The following PITPNB variants were observed in gnomAD, a reference collection of about 807,000 sequenced individuals.
The protein encoded by PITPNB is phosphatidylinositol transfer protein beta.
In PITPNB, 16 loss-of-function variants were observed where a neutral mutation model predicts 45.9. The observed-to-expected ratio is 0.35, with a 90% confidence interval of 0.24 to 0.53. The LOEUF (loss-of-function observed/expected upper bound fraction) is 0.53. Ranked by LOEUF, PITPNB falls within the 20% of genes least tolerant of loss-of-function variation. The pLI is 0.93. For synonymous variants in PITPNB, 112 were observed against 108.9 expected (o/e 1.03, Z -0.18); for missense variants, 188 against 330.5 (o/e 0.57, Z 3.34).
Position 27,858,519 on chromosome 22 carries a change from C to G in PITPNB, c.646-10G>C. The G allele has an allele frequency of 4.4e-6, 7 of 1,602,276 alleles. No individual in the cohort carries two copies. The highest frequency in any genetic ancestry group is 1.1e-5 in the South Asian group (1 of 88,570). The stretch of plus-strand genomic sequence containing the variant: ...ATATCCGTTTTTCTTGCTTTTAAAA[C>G]AACAACAAAAAAGTAGCATAAGATG... On this transcript the variant is annotated splice_polypyrimidine_tract_variant and intron_variant, in intron 9 of 11. Transcript: ENST00000335272.
intron 7 of PITPNB, among the ~76,000 whole-genome samples, chr22:27,891,993 C>T (rs1935293672): frequency 6.6e-6 from 1 of 152,196 alleles, no homozygotes; most frequent in African/African-American, 2.4e-5. Context: ...CTGAAGCCCA[C>T]CTAGTTTTAG....
rs1934080926 is a variant in PITPNB at position 27,853,344 on chromosome 22, A to ATT, written c.*356_*357dup. Reference sequence around the variant, plus strand: ...ATTAAAATCTGTTCCAGGTATATATATTGAAAATATTTTCTTTTGCATTCT... The same window carrying ATT: ...ATTAAAATCTGTTCCAGGTATATATATTTTGAAAATATTTTCTTTTGCATTCT... On this transcript the variant is annotated 3_prime_UTR_variant, in exon 12 of 12. Coordinates refer to ENST00000335272, the MANE Select transcript of PITPNB (RefSeq NM_012399.5). The ATT allele has an allele frequency of 2.5e-6, 1 of 400,384 alleles. No individual in the cohort carries two copies. The highest frequency in any genetic ancestry group is 4.4e-6 in the Non-Finnish European group (1 of 225,522). 24.8% of individuals were successfully genotyped at this position (400,384 alleles called of 1,614,324 possible).
intron 1 of PITPNB, 91 bp from the exon 2 acceptor site, chr22:27,914,438 A>T: frequency 1.3e-6 from 1 of 746,248 alleles, no homozygotes; most frequent in Non-Finnish European, 2.2e-6. Context: ...ATCCAATGAT[A>T]ACAGAGACAG....
intron 3 of PITPNB, among the ~76,000 whole-genome samples, chr22:27,901,361 T>C (rs899150705): frequency 5.3e-5 from 8 of 152,196 alleles, no homozygotes; most frequent in Non-Finnish European, 1.0e-4. Flanking sequence ...AATTATTATG[T>C]CTATCTGTAA....
chr22:27,854,044 C>A (rs2146341675), intron 11 of PITPNB, among the ~76,000 whole-genome samples: 1 of 151,962 alleles, frequency 6.6e-6, no homozygotes, highest in South Asian at 2.1e-4. Flanking sequence ...CTGAACATTT[C>A]ATTCATCCCA....
At chr22:27,900,079 T>C (rs1935549203) in intron 3 of PITPNB, among the ~76,000 whole-genome samples, 1 of 152,026 alleles carries the variant, frequency 6.6e-6, no homozygotes, top group Non-Finnish European at 1.5e-5. Flanking sequence ...GGTGGGTGCC[T>C]GCAATCCCAG....
At chr22:27,896,442 G>A in intron 6 of PITPNB, 110 bp downstream of exon 6, 1 of 764,780 alleles carries the variant, frequency 1.3e-6, no homozygotes, top group Non-Finnish European at 2.3e-6. Context: ...GACACAGCTT[G>A]GTGCGGTCAG....
chr22:27,916,177 C>A (rs537187421), intron 1 of PITPNB, among the ~76,000 whole-genome samples: 1 of 152,316 alleles, frequency 6.6e-6, no homozygotes, highest in Admixed American at 6.5e-5. Context: ...AGAACACTTT[C>A]AAGGAAATTC....
rs1935080643 is a variant in PITPNB, at chr22:27,885,123, C to T, written c.456+9432G>A. Among the ~76,000 whole-genome samples the T allele has an allele frequency of 6.8e-5, 10 of 146,744 alleles. No homozygotes were observed. The South Asian group carries it at 1.5e-3, about 22-fold the overall frequency. On this transcript the variant is annotated intron_variant, in intron 7 of 11. Transcript: ENST00000335272. ...TACACTTTAAAGAGTCTTCCTCTCCCGGGAAGTGACTTTTGTATATAAATC... is the reference window on the plus strand; with the variant it reads ...TACACTTTAAAGAGTCTTCCTCTCCTGGGAAGTGACTTTTGTATATAAATC...
At position 27,919,213 on chromosome 22, in the gene PITPNB, C is replaced by G. The variant is rs777122236; in HGVS notation, c.-22G>C. On this transcript the variant is annotated 5_prime_UTR_variant, in exon 1 of 12. Coordinates refer to ENST00000335272, the MANE Select transcript of PITPNB (RefSeq NM_012399.5). ...CCATCTTCCCGGAACCCCCTCACAG[C>G]TGCCGCCGATACCACCGCCGCCGCC... 4.4e-6 allele frequency: 7 copies of G among 1,607,652 alleles called. No homozygotes were observed. The Admixed American group carries it at 8.3e-5, about 19-fold the overall frequency.
Position 27,915,622 on chromosome 22 carries a change from C to T in PITPNB, c.21-1275G>A, listed in dbSNP as rs150181488. ...TCGCCACTCTTTGTCTTTCTGGTAA[C>T]GGTGATTCAAAAACAATGAACACTC... On this transcript the variant is annotated intron_variant, in intron 1 of 11. Transcript: ENST00000335272. Among the ~76,000 whole-genome samples the T allele has an allele frequency of 1.1e-3, 168 of 152,210 alleles. 1 individual carries two copies. The highest frequency in any genetic ancestry group is 6.8e-3 in the Middle Eastern group (2 of 294).
Position 27,860,393 on chromosome 22 carries a change from T to C in PITPNB, c.535-152A>G. On this transcript the variant is annotated intron_variant, in intron 8 of 11. Transcript: ENST00000335272. ...GATATTTGAAAATTTGAAATCATTT[T>C]AGCAAAAGCCGCAGTATTCCCCTGC... 5.4e-6 allele frequency: 3 copies of C among 556,920 alleles called. No homozygotes were observed. The South Asian group carries it at 7.7e-5, about 14-fold the overall frequency. The allele number at this position is 556,920 out of a possible 1,614,324, so 34.5% of individuals were successfully genotyped here.
chr22:27,912,757 G>C (rs765575362), intron 2 of PITPNB, among the ~76,000 whole-genome samples: 1 of 151,924 alleles, frequency 6.6e-6, no homozygotes, highest in Non-Finnish European at 1.5e-5. Context: ...TGAGGCAGGT[G>C]GATCACTTGA....
At chr22:27,915,318 TTTC>T (rs1335409672) in intron 1 of PITPNB, among the ~76,000 whole-genome samples, 1 of 152,192 alleles carries the variant, frequency 6.6e-6, no homozygotes, top group Non-Finnish European at 1.5e-5. Context: ...CAGCTTATAA[TTTC>T]TTTTTCTTTT....
At chr22:27,898,299 T>C (rs1004120751) in intron 3 of PITPNB, among the ~76,000 whole-genome samples, 1 of 151,964 alleles carries the variant, frequency 6.6e-6, no homozygotes, top group Non-Finnish European at 1.5e-5. Context: ...CACTTGAACC[T>C]GGGAGATAGA....
At chr22:27,891,989 C>T (rs1935293583) in intron 7 of PITPNB, among the ~76,000 whole-genome samples, 2 of 152,162 alleles carry the variant, frequency 1.3e-5, no homozygotes, top group South Asian at 2.1e-4. Flanking sequence ...AAATCTGAAG[C>T]CCACCTAGTT....
At chr22:27,858,629 T>C in intron 9 of PITPNB, 120 bp from the exon 10 acceptor site, 1 of 656,312 alleles carries the variant, frequency 1.5e-6, no homozygotes, top group Non-Finnish European at 2.5e-6. Flanking sequence ...AAAAGACTAC[T>C]CTGTAGATTT....
chr22:27,865,970 C>A (rs959591820), intron 8 of PITPNB, among the ~76,000 whole-genome samples: 1 of 152,164 alleles, frequency 6.6e-6, no homozygotes, highest in Non-Finnish European at 1.5e-5. Context: ...TCCAATCCAG[C>A]CCAAACCTAA....
chr22:27,881,898 AT>A (rs1934985678), intron 7 of PITPNB, among the ~76,000 whole-genome samples: 1 of 152,254 alleles, frequency 6.6e-6, no homozygotes, highest in South Asian at 2.1e-4. Flanking sequence ...TTCAACCAAT[AT>A]TTAACTTTTT....
Sources: gnomAD v4.1 joint callset for allele counts (sites outside exome capture counted in the v4.1 genomes callset) on GRCh38, gnomAD v4.1.1 for gene constraint, MANE v1.5 for transcripts, NCBI Gene and HGNC (gene_info 2026-07-23, HGNC 2026-07-21) for gene names.